IL6R: variants seen among roughly 807,000 people sequenced by gnomAD.
The protein encoded by IL6R is interleukin 6 receptor, also known as interleukin-6 receptor subunit alpha.
In IL6R, 38 loss-of-function variants were observed where a neutral mutation model predicts 48.3. The observed-to-expected ratio is 0.79, with a 90% CI of 0.61 to 1.03. The LOEUF is 1.03. Among genes scored for constraint, IL6R ranks in the 50% least tolerant of loss-of-function variants. The pLI is 0.00. For missense variants in IL6R, 534 were observed against 618.3 expected, an observed-to-expected ratio of 0.86 and a Z score of 1.45; for synonymous variants, 264 against 256.2, an observed-to-expected ratio of 1.03 and a Z score of -0.29.
chr1:154,414,581 A>T, intron 1 of IL6R: 3 of 751,734 alleles, frequency 4.0e-6, no homozygotes, highest in African/African-American at 1.7e-5. Flanking sequence ...ATTTTCTCAT[A>T]GGCTTTCTTG....
In IL6R at chr1:154,436,050, G is replaced by A; in HGVS notation, c.889G>A (p.Glu297Lys). The A allele has an allele frequency of 6.2e-7, 1 of 1,613,338 alleles. No individual in the cohort carries two copies. The highest frequency in any genetic ancestry group is 8.5e-7 in the Non-Finnish European group (1 of 1,179,620). Residue 297 changes from glutamate to lysine, a missense_variant, in exon 6 of 10, where the codon GAG (glutamate) becomes AAG (lysine). By Grantham distance (56) the Glu-to-Lys change is moderately conservative. Transcript: ENST00000368485. ...CGTGGTGCAGCTTCGTGCCCAGGAGGAGTTCGGGCAAGGCGAGTGGAGCGA... is the reference window on the plus strand; with the variant it reads ...CGTGGTGCAGCTTCGTGCCCAGGAGAAGTTCGGGCAAGGCGAGTGGAGCGA... ...RHVVQLRAQEEFGQGEWSEWS... is the reference protein window; with the variant it reads ...RHVVQLRAQEKFGQGEWSEWS...
chr1:154,405,439 C>T lies in IL6R; in HGVS notation c.-191C>T. 1.8e-6 allele frequency: 1 copy of T among 547,866 alleles called. No individual in the cohort carries two copies. Among genetic ancestry groups the T allele is most frequent in the Admixed American group, 3.9e-5 (1 of 25,522 alleles). The allele number at this position is 547,866 out of a possible 1,614,324, so 33.9% of individuals were successfully genotyped here. A position where few individuals can be genotyped will look rare whatever the true frequency, so the allele number is the denominator to read the frequency against. On this transcript the variant is annotated 5_prime_UTR_variant, in exon 1 of 10. Transcript: ENST00000368485. The surrounding 1 kb of genome is among the most constrained non-coding windows in gnomAD (Gnocchi z 5.2). ...TGAGCCGGGCCAGAGGGAGAGGAGC[C>T]GAGCGCGGCGCGGGGCCGAGGGACT...
chr1:154,443,089 C>T (rs1472706316), intron 6 of IL6R, among the ~76,000 whole-genome samples: 1 of 152,156 alleles, frequency 6.6e-6, no homozygotes, highest in Non-Finnish European at 1.5e-5. Flanking sequence ...GGGCAAAATG[C>T]CTGGGAAAAG....
At chr1:154,408,643 C>G (rs1687866070) in intron 1 of IL6R, among the ~76,000 whole-genome samples, 2 of 152,106 alleles carry the variant, frequency 1.3e-5, no homozygotes. Flanking sequence ...AACAAATACT[C>G]CCCTCACTGG....
At chr1:154,424,227 C>T (rs970217286) in intron 1 of IL6R, among the ~76,000 whole-genome samples, 1 of 152,134 alleles carries the variant, frequency 6.6e-6, no homozygotes, top group Non-Finnish European at 1.5e-5. Context: ...CCTAACATGC[C>T]CTATATTCAA....
intron 6 of IL6R, among the ~76,000 whole-genome samples, chr1:154,440,221 A>G (rs1014030568): frequency 6.6e-6 from 1 of 151,982 alleles, no homozygotes; most frequent in South Asian, 2.1e-4. Context: ...ATGTGGTATA[A>G]CATGTGTCAG....
At chr1:154,442,788 CTTT>C (rs10539207) in intron 6 of IL6R, among the ~76,000 whole-genome samples, 1 of 137,386 alleles carries the variant, frequency 7.3e-6, no homozygotes, top group Non-Finnish European at 1.5e-5. Flanking sequence ...TCATTTTCTT[CTTT>C]TTTTTTTTTT....
intron 9 of IL6R, among the ~76,000 whole-genome samples, chr1:154,455,455 CTT>C (rs201098458): frequency 8.6e-5 from 11 of 128,406 alleles, no homozygotes; most frequent in Non-Finnish European, 9.9e-5. Context: ...CTTTTCTTTT[CTT>C]TTTTTTTTTT....
At chr1:154,415,698 G>T (rs1398012223) in intron 1 of IL6R, among the ~76,000 whole-genome samples, 4 of 152,280 alleles carry the variant, frequency 2.6e-5, no homozygotes, top group East Asian at 3.9e-4. Flanking sequence ...AAATGTATCA[G>T]CCGGGTGCAG....
At chr1:154,417,760 G>A in intron 1 of IL6R, among the ~76,000 whole-genome samples, 1 of 110,828 alleles carries the variant, frequency 9.0e-6, no homozygotes, top group East Asian at 2.8e-4. Flanking sequence ...TTTTTTTTGA[G>A]ATGGAGTTTC....
At chr1:154,406,138 C>T (rs1687701344) in intron 1 of IL6R, among the ~76,000 whole-genome samples, 2 of 152,274 alleles carry the variant, frequency 1.3e-5, no homozygotes, top group East Asian at 1.9e-4. Flanking sequence ...TGTACCAGCG[C>T]CCCTCTTCTC....
chr1:154,420,301 A>G (rs1174535242), intron 1 of IL6R, among the ~76,000 whole-genome samples: 1 of 152,046 alleles, frequency 6.6e-6, no homozygotes, highest in Non-Finnish European at 1.5e-5. Flanking sequence ...GCTAGACCGC[A>G]GGAGTGGGGG....
At chr1:154,455,744 G>A (rs1408763757) in intron 9 of IL6R, among the ~76,000 whole-genome samples, 1 of 146,648 alleles carries the variant, frequency 6.8e-6, no homozygotes, top group Admixed American at 6.8e-5. Flanking sequence ...GAGCCACCGC[G>A]CCCAGCCTGT....
chr1:154,416,539 G>A (rs985018788), intron 1 of IL6R, among the ~76,000 whole-genome samples: 2 of 152,126 alleles, frequency 1.3e-5, no homozygotes, highest in African/African-American at 4.8e-5. Flanking sequence ...TATGATGAGG[G>A]AGGAGGAGCT....
At chr1:154,442,385 G>T (rs771766323) in intron 6 of IL6R, among the ~76,000 whole-genome samples, 1 of 152,216 alleles carries the variant, frequency 6.6e-6, no homozygotes, top group African/African-American at 2.4e-5. Context: ...GAGTACAAAG[G>T]CACGGAGCTG....
chr1:154,450,763 C>T (rs926156987), intron 8 of IL6R, among the ~76,000 whole-genome samples: 2 of 152,208 alleles, frequency 1.3e-5, no homozygotes, highest in African/African-American at 4.8e-5. Context: ...ATCCAGACTC[C>T]AGAGGTTCAG....
intron 9 of IL6R, among the ~76,000 whole-genome samples, chr1:154,457,183 C>T (rs1476511676): frequency 6.6e-6 from 1 of 151,848 alleles, no homozygotes; most frequent in Non-Finnish European, 1.5e-5. Context: ...ATTAGCTGGG[C>T]ATAGTGGCAC....
At chr1:154,422,092 G>A (rs977953496) in intron 1 of IL6R, among the ~76,000 whole-genome samples, 1 of 152,072 alleles carries the variant, frequency 6.6e-6, no homozygotes, top group Non-Finnish European at 1.5e-5. Context: ...GATTACAGGT[G>A]TGTGCCACCA....
At chr1:154,421,261 G>A (rs774461109) in intron 1 of IL6R, among the ~76,000 whole-genome samples, 18 of 152,198 alleles carry the variant, frequency 1.2e-4, no homozygotes, top group Admixed American at 3.3e-4. Context: ...CTCCTGTCCT[G>A]GAGGTTGGTG....
Sources: gnomAD v4.1 joint callset for allele counts (sites outside exome capture counted in the v4.1 genomes callset) on GRCh38, gnomAD v4.1.1 for gene constraint, Gnocchi (gnomAD v3.1) non-coding constraint, MANE v1.5 for transcripts, NCBI Gene and HGNC (gene_info 2026-07-23, HGNC 2026-07-21) for gene names.